SUPT3H: variants seen among roughly 807,000 people sequenced by gnomAD.
The protein encoded by SUPT3H is SPT3 homolog, SAGA and STAGA complex component, also known as transcription initiation protein SPT3 homolog.
In SUPT3H, 44 loss-of-function variants were observed where a neutral mutation model predicts 44.3. The observed-to-expected ratio is 0.99, with a 90% CI of 0.78 to 1.28. The LOEUF is 1.28. Among genes scored for constraint, SUPT3H ranks in the 50% most tolerant of loss-of-function variants. SUPT3H has a pLI of 0.00. For missense variants in SUPT3H, 380 were observed against 387.1 expected, an observed-to-expected ratio of 0.98 and a Z score of 0.15; for synonymous variants, 124 against 125.6, an observed-to-expected ratio of 0.99 and a Z score of 0.09.
chr6:44,934,236 A>G (rs1166833591), intron 9 of SUPT3H, among the ~76,000 whole-genome samples: 1 of 152,208 alleles, frequency 6.6e-6, no homozygotes, highest in Non-Finnish European at 1.5e-5. Flanking sequence ...ATAAAAATGA[A>G]AAAGAACAAC....
chr6:44,947,522 A>T (rs1391874514), intron 9 of SUPT3H, among the ~76,000 whole-genome samples: 1 of 152,178 alleles, frequency 6.6e-6, no homozygotes, highest in African/African-American at 2.4e-5. Flanking sequence ...AGTCAGCCTA[A>T]TTCCTTTCAA....
chr6:45,275,699 C>T (rs1283948009), intron 2 of SUPT3H, among the ~76,000 whole-genome samples: 2 of 152,006 alleles, frequency 1.3e-5, no homozygotes, highest in Non-Finnish European at 1.5e-5. Context: ...CATATTTATA[C>T]TTTGGTTAGG....
chr6:45,203,838 C>A (rs1458157853), intron 2 of SUPT3H, among the ~76,000 whole-genome samples: 1 of 152,120 alleles, frequency 6.6e-6, no homozygotes, highest in Non-Finnish European at 1.5e-5. Context: ...CCCCCCTTGA[C>A]CATCCCTCTT....
At chr6:45,358,685 C>T (rs889318095) in intron 2 of SUPT3H, among the ~76,000 whole-genome samples, 2 of 152,088 alleles carry the variant, frequency 1.3e-5, no homozygotes, top group African/African-American at 4.8e-5. Context: ...GGTTCACAGT[C>T]TCTTATCTGA....
intron 2 of SUPT3H, among the ~76,000 whole-genome samples, chr6:45,300,218 CAAAG>C (rs1204185544): frequency 6.6e-6 from 1 of 152,104 alleles, no homozygotes. Context: ...CTTATAAAAC[CAAAG>C]ATAGAACAAA....
chr6:45,015,022 A>AG, intron 4 of SUPT3H, 131 bp from the exon 5 acceptor site: 1 of 459,526 alleles, frequency 2.2e-6, no homozygotes, highest in Non-Finnish European at 3.6e-6. Context: ...AATCCTTAGC[A>AG]TACTGCTATG....
intron 2 of SUPT3H, among the ~76,000 whole-genome samples, chr6:45,124,258 C>T (rs953324615): frequency 6.3e-5 from 9 of 142,816 alleles, no homozygotes; most frequent in African/African-American, 8.7e-5. Flanking sequence ...GAAAACTGTT[C>T]CACTGTTAAA....
chr6:45,061,654 A>G (rs562653573), intron 3 of SUPT3H, among the ~76,000 whole-genome samples: 2 of 152,344 alleles, frequency 1.3e-5, no homozygotes, highest in South Asian at 4.1e-4. Flanking sequence ...ATGCTTTTAA[A>G]AACAATTTCT....
intron 8 of SUPT3H, among the ~76,000 whole-genome samples, chr6:44,953,887 C>T (rs1562123881): frequency 6.6e-6 from 1 of 152,246 alleles, no homozygotes; most frequent in East Asian, 1.9e-4. Context: ...TGCCCGCCAC[C>T]ATGCCCGGCT....
chr6:45,075,887 C>T (rs1416269591), intron 3 of SUPT3H, among the ~76,000 whole-genome samples: 2 of 151,910 alleles, frequency 1.3e-5, no homozygotes, highest in African/African-American at 4.8e-5. Context: ...AATTACTATG[C>T]TTGTGTGTAC....
At chr6:45,125,475 A>C (rs1398430635) in intron 2 of SUPT3H, among the ~76,000 whole-genome samples, 1 of 152,180 alleles carries the variant, frequency 6.6e-6, no homozygotes, top group Non-Finnish European at 1.5e-5. Context: ...AAGTGGTAGA[A>C]ATGCATGGGG....
intron 2 of SUPT3H, among the ~76,000 whole-genome samples, chr6:45,127,549 TCAAA>T (rs1433971619): frequency 6.6e-6 from 1 of 152,188 alleles, no homozygotes; most frequent in Non-Finnish European, 1.5e-5. Flanking sequence ...CTTTCATGAT[TCAAA>T]CAAAGACTCT....
At chr6:45,138,045 G>T (rs1205486804) in intron 2 of SUPT3H, among the ~76,000 whole-genome samples, 1 of 152,014 alleles carries the variant, frequency 6.6e-6, no homozygotes, top group Non-Finnish European at 1.5e-5. Flanking sequence ...TAAATTGTAA[G>T]ATTTGAATAC....
chr6:45,265,587 T>C (rs1775118805), intron 2 of SUPT3H, among the ~76,000 whole-genome samples: 1 of 152,070 alleles, frequency 6.6e-6, no homozygotes, highest in South Asian at 2.1e-4. Context: ...TTAAATACAT[T>C]AAGGTTAAAA....
chr6:45,026,787 A>G (rs1396675343), intron 3 of SUPT3H, among the ~76,000 whole-genome samples: 1 of 152,110 alleles, frequency 6.6e-6, no homozygotes, highest in Non-Finnish European at 1.5e-5. Context: ...TAGTGTTCTT[A>G]GACACCCCAA....
At chr6:45,177,669 G>C (rs1304013303) in intron 2 of SUPT3H, among the ~76,000 whole-genome samples, 3 of 151,168 alleles carry the variant, frequency 2.0e-5, no homozygotes, top group Non-Finnish European at 4.4e-5. Context: ...CAGCCACAGA[G>C]AAAGGTCGGG....
At chr6:45,241,655 C>G (rs1274461436) in intron 2 of SUPT3H, among the ~76,000 whole-genome samples, 1 of 152,118 alleles carries the variant, frequency 6.6e-6, no homozygotes, top group Non-Finnish European at 1.5e-5. Flanking sequence ...TTTAATTCCT[C>G]TAGAGCTGCT....
chr6:45,010,655 T>C (rs1331858737), intron 5 of SUPT3H, among the ~76,000 whole-genome samples: 1 of 152,142 alleles, frequency 6.6e-6, no homozygotes, highest in African/African-American at 2.4e-5. Flanking sequence ...TCTTGTTGTA[T>C]CCACATATGG....
intron 2 of SUPT3H, among the ~76,000 whole-genome samples, chr6:45,319,224 T>C (rs759628870): frequency 4.6e-5 from 7 of 152,130 alleles, no homozygotes; most frequent in Non-Finnish European, 7.4e-5. Flanking sequence ...ATAGGTGTCT[T>C]ATAATTATGT....
Sources: allele counts gnomAD v4.1 joint callset (sites outside exome capture counted in the v4.1 genomes callset), GRCh38; gene constraint gnomAD v4.1.1; transcripts MANE v1.5; gene names NCBI Gene and HGNC (gene_info 2026-07-23, HGNC 2026-07-21).